The following ZNF716 variants were observed in gnomAD, a reference collection of about 807,000 sequenced individuals.
The protein encoded by ZNF716 is zinc finger protein 716.
A neutral mutation model predicts 13.4 loss-of-function variants in ZNF716; 9 were observed. That is an observed-to-expected ratio of 0.67 (90% confidence interval 0.41 to 1.18). ZNF716 has a LOEUF of 1.18. Ranked by LOEUF, ZNF716 falls within the 50% of genes most tolerant of loss-of-function variation. The probability of loss-of-function intolerance (pLI) is 0.01; values close to 1 mark genes in which losing one functional copy is unlikely to be tolerated. For synonymous variants in ZNF716, 186 were observed against 195.2 expected (o/e 0.95, Z 0.39); for missense variants, 581 against 576.6 (o/e 1.01, Z -0.08).
intron 1 of ZNF716, among the ~76,000 whole-genome samples, chr7:57,452,490 T>A (rs1227801574): frequency 2.8e-5 from 4 of 145,120 alleles, no homozygotes; most frequent in African/African-American, 1.0e-4. Context: ...CAAAAAAAAA[T>A]AACCGGGCGT....
chr7:57,464,142 AT>A (rs1789762487), intron 3 of ZNF716, among the ~76,000 whole-genome samples: 2 of 44,328 alleles, frequency 4.5e-5, no homozygotes, highest in African/African-American at 8.6e-5. Context: ...TTTTTTTGAG[AT>A]GGAGTTTCAC....
In ZNF716 at chr7:57,468,793, T is replaced by C; in HGVS notation, c.332T>C (p.Ile111Thr). 2 of 1,613,614 alleles carry C rather than the reference T, an allele frequency of 1.2e-6. No homozygotes were observed. Among genetic ancestry groups the C allele is most frequent in the South Asian group, 1.1e-5 (1 of 91,044 alleles). Residue 111 changes from isoleucine (I) to threonine (T), a missense_variant, in exon 4 of 4, where the codon ATA becomes ACA. Coordinates refer to ENST00000420713, the MANE Select transcript of ZNF716 (RefSeq NM_001159279.1). ...ATAAAAGATTCACTCCAAAAAGTGA[T>C]ACTGAGAAGATATGGAAAATGTGGA... ...QGIKDSLQKV[I>T]LRRYGKCGQE...
rs1554323238 is a variant in ZNF716, at chr7:57,462,356, C to G, written c.40-104C>G. ...CAAGTCAGAACCACTTCTTTTTACT[C>G]TCTTATTTAACATGAGTCAAATAAA... On this transcript the variant is annotated intron_variant, in intron 1 of 3. Coordinates refer to ENST00000420713, the MANE Select transcript of ZNF716 (RefSeq NM_001159279.1). The G allele has an allele frequency of 2.2e-6, 3 of 1,336,472 alleles. No individual in the cohort carries two copies. The Admixed American group carries it at 6.0e-5, about 27-fold the overall frequency. 82.8% of individuals were successfully genotyped at this position (1,336,472 alleles called of 1,614,324 possible).
chr7:57,453,425 C>A lies in ZNF716; in HGVS notation c.39+3098C>A, dbSNP rs530430739. Among the ~76,000 whole-genome samples the A allele has an allele frequency of 2.6e-5, 4 of 152,226 alleles. No individual in the cohort carries two copies. In the East Asian group the frequency reaches 7.7e-4, roughly 29 times the overall value. On this transcript the variant is annotated intron_variant, in intron 1 of 3. Coordinates refer to ENST00000420713, the MANE Select transcript of ZNF716 (RefSeq NM_001159279.1). ...CTTGAAAAGATAGTTTCACTTCTTT[C>A]GACTTAAGTTAGTTAACTGTAAATT...
rs1391951687 is a variant in ZNF716, at chr7:57,473,109, G to A, written c.*3160G>A. 1 of 152,042 alleles carries A rather than the reference G, an allele frequency of 6.6e-6. No homozygotes were observed. Among genetic ancestry groups the A allele is most frequent in the Non-Finnish European group, 1.5e-5 (1 of 68,020 alleles). The allele number at this position is 152,042 out of a possible 1,614,324, so 9.4% of individuals were successfully genotyped here. A position where few individuals can be genotyped will look rare whatever the true frequency, so the allele number is the denominator to read the frequency against. On this transcript the variant is annotated 3_prime_UTR_variant, in exon 4 of 4. Coordinates refer to ENST00000420713, the MANE Select transcript of ZNF716 (RefSeq NM_001159279.1). ...GTATAATTAATACCCATACATTTCT[G>A]AGTCTTGATTAAATATTTTTAAAAT... is the stretch of plus-strand genomic sequence containing the variant.
chr7:57,463,438 AACTG>A (rs1554323515), intron 3 of ZNF716, among the ~76,000 whole-genome samples: 1 of 152,200 alleles, frequency 6.6e-6, no homozygotes, highest in Non-Finnish European at 1.5e-5. Flanking sequence ...GGACTGCAAA[AACTG>A]ACTGCTTTGC....
In ZNF716 at chr7:57,470,436, A is replaced by G. The variant is rs1452184998; in HGVS notation, c.*487A>G. ...GCCTCAGCCTCCCAAAGCCTAAGAG[A>G]ATTTATATTAGAGAGACTCTACAAA... On this transcript the variant is annotated 3_prime_UTR_variant, in exon 4 of 4. Transcript: ENST00000420713. 6.4e-6 allele frequency: 1 copy of G among 157,076 alleles called. No homozygotes were observed. Among genetic ancestry groups the G allele is most frequent in the Non-Finnish European group, 1.4e-5 (1 of 71,024 alleles). 9.7% of individuals were successfully genotyped at this position (157,076 alleles called of 1,614,324 possible).
intron 1 of ZNF716, among the ~76,000 whole-genome samples, chr7:57,462,012 T>C (rs1460751902): frequency 3.3e-5 from 5 of 151,896 alleles, no homozygotes; most frequent in African/African-American, 9.7e-5. Flanking sequence ...ATACAAAAAT[T>C]AGCCAGGCAT....
intron 3 of ZNF716, among the ~76,000 whole-genome samples, chr7:57,468,240 G>A (rs797023597): frequency 2.0e-5 from 3 of 152,164 alleles, no homozygotes; most frequent in African/African-American, 7.2e-5. Context: ...TTCTGCTGTT[G>A]TTAACATTCA....
At chr7:57,467,058 C>T (rs782265490) in intron 3 of ZNF716, among the ~76,000 whole-genome samples, 56 of 147,034 alleles carry the variant, frequency 3.8e-4, no homozygotes, top group Admixed American at 4.2e-4. Context: ...AAGATTTTTT[C>T]TTTGTGCTAC....
In ZNF716 at chr7:57,469,124, C is replaced by G. The variant is rs556622184; in HGVS notation, c.663C>G (p.Ser221=). Reference sequence around the variant, plus strand: ...ACAAATGTGAAGAATGTGGCAAATCCTTTAACTGCTCTTCAACCCTTACTA... The same window carrying G: ...ACAAATGTGAAGAATGTGGCAAATCGTTTAACTGCTCTTCAACCCTTACTA... The part of the protein sequence containing the change: ...KSYKCEECGK[S]FNCSSTLTRH... The change falls in exon 4 of 4, where the codon TCC becomes TCG. Residue 221 remains serine, a synonymous_variant. Transcript: ENST00000420713. 2.2e-5 allele frequency: 36 copies of G among 1,609,246 alleles called. No individual in the cohort carries two copies.
chr7:57,472,788 A>G lies in ZNF716; in HGVS notation c.*2839A>G, dbSNP rs2116432192. The G allele has an allele frequency of 6.6e-6, 1 of 152,280 alleles. No homozygotes were observed. The highest frequency in any genetic ancestry group is 2.4e-5 in the African/African-American group (1 of 41,576). 9.4% of individuals were successfully genotyped at this position (152,280 alleles called of 1,614,324 possible). On this transcript the variant is annotated 3_prime_UTR_variant, in exon 4 of 4. Transcript: ENST00000420713. ...GGCCTACTAGAGGTTTTACACAGCA[A>G]ACAAGTTGAAGAATTTTGTTCCCAT...
intron 1 of ZNF716, among the ~76,000 whole-genome samples, chr7:57,461,107 T>TG (rs1439821230): frequency 4.2e-5 from 5 of 118,444 alleles, no homozygotes; most frequent in Non-Finnish European, 7.3e-5. Flanking sequence ...TTGTCTCTGC[T>TG]AAAAAAAAAA....
At chr7:57,452,779 T>A (rs1789520433) in intron 1 of ZNF716, among the ~76,000 whole-genome samples, 1 of 152,172 alleles carries the variant, frequency 6.6e-6, no homozygotes, top group Non-Finnish European at 1.5e-5. Context: ...TACAGGGTAA[T>A]GTTTCTTCAG....
chr7:57,450,873 C>T (rs1789474725), intron 1 of ZNF716, among the ~76,000 whole-genome samples: 1 of 151,982 alleles, frequency 6.6e-6, no homozygotes, highest in South Asian at 2.1e-4. Flanking sequence ...GAAGCAAACC[C>T]GATTAAATAA....
At chr7:57,450,463 G>A in intron 1 of ZNF716, 136 bp downstream of exon 1, 2 of 1,498,052 alleles carry the variant, frequency 1.3e-6, no homozygotes, top group Admixed American at 3.7e-5. Flanking sequence ...GTCCCAGCTC[G>A]GCTCTTAGTC....
intron 1 of ZNF716, among the ~76,000 whole-genome samples, chr7:57,456,038 C>T (rs1179123907): frequency 6.6e-6 from 1 of 152,004 alleles, no homozygotes; most frequent in Admixed American, 6.6e-5. Context: ...TCACCACAAC[C>T]TTCGCCTCCC....
intron 1 of ZNF716, among the ~76,000 whole-genome samples, chr7:57,458,485 C>T (rs1202208721): frequency 2.6e-5 from 4 of 151,746 alleles, no homozygotes; most frequent in Non-Finnish European, 4.4e-5. Flanking sequence ...TACAGTGGCA[C>T]GATCTTGGCT....
rs1303389590 is a variant in ZNF716, at chr7:57,466,761, GT to G, written c.263-1956del. On this transcript the variant is annotated intron_variant, in intron 3 of 3. Coordinates refer to ENST00000420713, the MANE Select transcript of ZNF716 (RefSeq NM_001159279.1). ...CTATATTATGTTCTTCTGATTTTCT[GT>G]TTTTTTAATTGATCTTTTATTTGAA... is the stretch of plus-strand genomic sequence containing the variant. Among the ~76,000 whole-genome samples, 12 of 151,726 alleles carry G rather than the reference GT, an allele frequency of 7.9e-5. No individual in the cohort carries two copies. In the South Asian group the frequency reaches 8.3e-4, roughly 11 times the overall value.
Sources: gnomAD v4.1 joint callset for allele counts (sites outside exome capture counted in the v4.1 genomes callset) on GRCh38, gnomAD v4.1.1 for gene constraint, MANE v1.5 for transcripts, NCBI Gene and HGNC (gene_info 2026-07-23, HGNC 2026-07-21) for gene names.